The following FGF14 variants were observed in gnomAD, a reference collection of about 807,000 sequenced individuals.
The protein encoded by FGF14 is fibroblast growth factor 14, also known as fibroblast growth factor homologous factor 4.
In FGF14, 5 loss-of-function variants were observed where a neutral mutation model predicts 25.5. That is an observed-to-expected ratio of 0.20 (90% CI 0.10 to 0.41). The LOEUF (loss-of-function observed/expected upper bound fraction) is 0.41. Among genes scored for constraint, FGF14 ranks in the 10% least tolerant of loss-of-function variants. The pLI is 1.00. For missense variants in FGF14, 222 were observed against 320.1 expected (o/e 0.69, Z 2.34); for synonymous variants, 138 against 118.3 (o/e 1.17, Z -1.08).
intron 1 of FGF14, among the ~76,000 whole-genome samples, chr13:102,203,125 C>T (rs952312104): frequency 1.3e-5 from 2 of 152,060 alleles, no homozygotes; most frequent in Non-Finnish European, 2.9e-5. Flanking sequence ...TACTCCAGTT[C>T]GATGTTTTAT....
chr13:101,840,291 A>G (rs1380030126), intron 3 of FGF14, among the ~76,000 whole-genome samples: 2 of 151,896 alleles, frequency 1.3e-5, no homozygotes, highest in Admixed American at 1.3e-4. Flanking sequence ...GCCATTTTAT[A>G]TTTGTTATTT....
intron 1 of FGF14, among the ~76,000 whole-genome samples, chr13:102,322,661 T>A (rs556183631): frequency 5.9e-5 from 9 of 152,356 alleles, no homozygotes; most frequent in Admixed American, 3.3e-4. Flanking sequence ...ATTATCATCA[T>A]TGACTTGGCA....
Position 101,784,828 on chromosome 13 carries a change from T to C in FGF14, c.409-58018A>G, listed in dbSNP as rs141513910. Among the ~76,000 whole-genome samples, 674 of 152,312 alleles carry C rather than the reference T, an allele frequency of 4.4e-3. 4 individuals carry two copies. The highest frequency in any genetic ancestry group is 5.2e-3 in the Non-Finnish European group (353 of 68,036). On this transcript the variant is annotated intron_variant, in intron 3 of 4. Coordinates refer to ENST00000376143, the MANE Select transcript of FGF14 (RefSeq NM_004115.4). ...TGAATGAATTAGACTTGATCTTTGCTTTGGTGCAGCACTCATATCACTGCA... is the reference window on the plus strand; with the variant it reads ...TGAATGAATTAGACTTGATCTTTGCCTTGGTGCAGCACTCATATCACTGCA...
intron 1 of FGF14, among the ~76,000 whole-genome samples, chr13:102,262,139 G>T (rs79288425): frequency 1.7e-3 from 263 of 152,128 alleles, no homozygotes; most frequent in African/African-American, 6.0e-3. Flanking sequence ...TTTTTTCATG[G>T]ATACAGCAAG....
At position 102,041,144 on chromosome 13, in the gene FGF14, A is replaced by T. The variant is rs538127800; in HGVS notation, c.209-165848T>A. Among the ~76,000 whole-genome samples, 12 of 152,226 alleles carry T rather than the reference A, an allele frequency of 7.9e-5. No individual in the cohort carries two copies. In the East Asian group the frequency reaches 2.1e-3, roughly 27 times the overall value. On this transcript the variant is annotated intron_variant, in intron 1 of 4. Transcript: ENST00000376131. ...ACCTATTTGCCAATCTGAAAAAAAA[A>T]TTTATATAACTTTCTCTTCACACAT...
chr13:101,790,029 T>C (rs1302854328), intron 3 of FGF14, among the ~76,000 whole-genome samples: 2 of 151,908 alleles, frequency 1.3e-5, no homozygotes, highest in East Asian at 3.9e-4. Flanking sequence ...CTTTCTGATA[T>C]TAAGACTTCA....
chr13:101,949,440 A>T (rs1272603598), intron 1 of FGF14, among the ~76,000 whole-genome samples: 1 of 152,082 alleles, frequency 6.6e-6, no homozygotes, highest in Non-Finnish European at 1.5e-5. Context: ...CAGAAACCTG[A>T]GGGGCTGAAC....
chr13:101,824,391 T>C (rs962455237), intron 3 of FGF14, among the ~76,000 whole-genome samples: 3 of 152,214 alleles, frequency 2.0e-5, no homozygotes, highest in African/African-American at 7.2e-5. Context: ...ACACTTCTTC[T>C]GTAAGTTTTT....
At chr13:102,352,959 T>G (rs1487064448) in intron 1 of FGF14, among the ~76,000 whole-genome samples, 1 of 152,130 alleles carries the variant, frequency 6.6e-6, no homozygotes, top group African/African-American at 2.4e-5. Context: ...TGCGCACCTC[T>G]GCTATCCTGA....
intron 1 of FGF14, among the ~76,000 whole-genome samples, chr13:102,199,918 C>T (rs1460396212): frequency 1.3e-5 from 2 of 152,190 alleles, no homozygotes; most frequent in African/African-American, 4.8e-5. Flanking sequence ...TTACTAGGCA[C>T]ATTACACTTT....
chr13:102,360,898 C>T (rs950991950), intron 1 of FGF14, among the ~76,000 whole-genome samples: 2 of 151,904 alleles, frequency 1.3e-5, no homozygotes, highest in East Asian at 1.9e-4. Context: ...CACACACACA[C>T]GAGCCACAAA....
chr13:101,841,378 T>C (rs1009187438), intron 3 of FGF14, among the ~76,000 whole-genome samples: 10 of 152,052 alleles, frequency 6.6e-5, no homozygotes, highest in East Asian at 1.9e-4. Context: ...CAAAGATCTG[T>C]GCTGATTTTT....
intron 1 of FGF14, among the ~76,000 whole-genome samples, chr13:102,198,423 T>C (rs1694680367): frequency 6.6e-6 from 1 of 152,170 alleles, no homozygotes; most frequent in South Asian, 2.1e-4. Context: ...ACCTAGCCAC[T>C]GAGTGAAGAT....
At chr13:101,761,450 T>C (rs759647253) in intron 3 of FGF14, among the ~76,000 whole-genome samples, 11 of 152,130 alleles carry the variant, frequency 7.2e-5, no homozygotes, top group Non-Finnish European at 1.6e-4. Context: ...AGGGGAAAGT[T>C]CAAAACTTGG....
At chr13:102,362,369 C>T (rs181331650) in intron 1 of FGF14, among the ~76,000 whole-genome samples, 4 of 152,212 alleles carry the variant, frequency 2.6e-5, no homozygotes, top group Admixed American at 2.0e-4. Flanking sequence ...TGAATGTTAT[C>T]TCCTCTATGG....
At chr13:102,238,870 T>A (rs57997300) in intron 1 of FGF14, among the ~76,000 whole-genome samples, 1 of 152,188 alleles carries the variant, frequency 6.6e-6, no homozygotes, top group Non-Finnish European at 1.5e-5. Context: ...GGTTCATGTG[T>A]CTGTCCTTAG....
At chr13:102,200,918 T>G (rs375154246) in intron 1 of FGF14, among the ~76,000 whole-genome samples, 2 of 151,794 alleles carry the variant, frequency 1.3e-5, no homozygotes, top group South Asian at 4.2e-4. Context: ...TTGGCTAACA[T>G]GGTGAAACCC....
chr13:101,889,580 C>A (rs1050712736), intron 1 of FGF14, among the ~76,000 whole-genome samples: 21 of 152,078 alleles, frequency 1.4e-4, no homozygotes, highest in African/African-American at 5.1e-4. Context: ...CATCCATCTC[C>A]ACATTGGGAA....
chr13:102,329,063 C>T (rs1339569036), intron 1 of FGF14, among the ~76,000 whole-genome samples: 2 of 152,174 alleles, frequency 1.3e-5, no homozygotes, highest in Non-Finnish European at 2.9e-5. Context: ...GTACATCCTC[C>T]TCTCTGGCCC....
Sources: gnomAD v4.1 joint callset for allele counts (sites outside exome capture counted in the v4.1 genomes callset) on GRCh38, gnomAD v4.1.1 for gene constraint, MANE v1.5 for transcripts, NCBI Gene and HGNC (gene_info 2026-07-23, HGNC 2026-07-21) for gene names.